The following KCNH8 variants were observed in gnomAD, a reference collection of about 807,000 sequenced individuals.
KCNH8 encodes the protein voltage-gated delayed rectifier potassium channel KCNH8.
KCNH8 carries 70 observed loss-of-function variants against 103.6 expected under a neutral mutation model. The ratio of observed to expected loss-of-function variants is 0.68; its 90% confidence interval spans 0.56 to 0.82. KCNH8 has a LOEUF of 0.82. Ranked by LOEUF, KCNH8 falls within the 40% of genes least tolerant of loss-of-function variation. The probability of loss-of-function intolerance (pLI) is 0.00; values close to 1 mark genes in which losing one functional copy is unlikely to be tolerated. For missense variants in KCNH8, 1,217 were observed against 1,329.9 expected, an observed-to-expected ratio of 0.92 and a Z score of 1.32; for synonymous variants, 498 against 489.4, an observed-to-expected ratio of 1.02 and a Z score of -0.23.
chr3:19,486,948 T>G (rs574947203), intron 11 of KCNH8, among the ~76,000 whole-genome samples: 3 of 152,188 alleles, frequency 2.0e-5, no homozygotes, highest in Non-Finnish European at 4.4e-5. Context: ...GCTTTCTTCT[T>G]GGACACTTTC....
intron 7 of KCNH8, among the ~76,000 whole-genome samples, chr3:19,416,285 GC>G (rs1044340223): frequency 1.3e-5 from 2 of 151,912 alleles, no homozygotes; most frequent in African/African-American, 4.8e-5. Context: ...ATTAGATCAA[GC>G]TTTTGAATTT....
At chr3:19,220,501 G>A (rs2063862782) in intron 1 of KCNH8, among the ~76,000 whole-genome samples, 1 of 152,200 alleles carries the variant, frequency 6.6e-6, no homozygotes, top group Non-Finnish European at 1.5e-5. Flanking sequence ...ATGTGCCCCA[G>A]GTGGTGAAAC....
chr3:19,400,720 C>A (rs1174981346), intron 7 of KCNH8, among the ~76,000 whole-genome samples: 1 of 151,840 alleles, frequency 6.6e-6, no homozygotes, highest in Non-Finnish European at 1.5e-5. Flanking sequence ...TCCTAAATCT[C>A]CTGATCCTCG....
intron 7 of KCNH8, among the ~76,000 whole-genome samples, chr3:19,431,611 G>A (rs1360848827): frequency 6.6e-6 from 1 of 152,086 alleles, no homozygotes; most frequent in Non-Finnish European, 1.5e-5. Context: ...GTGTGGTCAT[G>A]GGTTTGTTTG....
chr3:19,467,436 T>C (rs2067764599), intron 11 of KCNH8, among the ~76,000 whole-genome samples: 1 of 152,230 alleles, frequency 6.6e-6, no homozygotes, highest in African/African-American at 2.4e-5. Context: ...ACACTGTGTA[T>C]GCATTATCTG....
intron 11 of KCNH8, among the ~76,000 whole-genome samples, chr3:19,470,278 C>A (rs1170153092): frequency 6.6e-6 from 1 of 152,134 alleles, no homozygotes; most frequent in South Asian, 2.1e-4. Flanking sequence ...TGCACACATA[C>A]CACAAGTACC....
At chr3:19,448,919 TTCTC>T in intron 8 of KCNH8, 1 of 1,235,544 alleles carries the variant, frequency 8.1e-7, no homozygotes, top group Non-Finnish European at 1.1e-6. Flanking sequence ...ACCCTCATCT[TTCTC>T]TCAGTTTCAC....
chr3:19,376,633 A>G (rs986405212), intron 5 of KCNH8, among the ~76,000 whole-genome samples: 37 of 152,308 alleles, frequency 2.4e-4, no homozygotes, highest in African/African-American at 8.7e-4. Context: ...CCCTGTATAC[A>G]TATTTTAAAT....
intron 5 of KCNH8, among the ~76,000 whole-genome samples, chr3:19,364,138 TAGTC>T (rs2065980178): frequency 6.6e-6 from 1 of 152,046 alleles, no homozygotes; most frequent in African/African-American, 2.4e-5. Context: ...ACTACTAACA[TAGTC>T]AGATTCTCCC....
chr3:19,468,085 T>C (rs1331541444), intron 11 of KCNH8, among the ~76,000 whole-genome samples: 1 of 152,204 alleles, frequency 6.6e-6, no homozygotes, highest in Admixed American at 6.5e-5. Flanking sequence ...TATCCTCTGT[T>C]ATATCACCTT....
intron 5 of KCNH8, among the ~76,000 whole-genome samples, chr3:19,351,939 G>A (rs1291202103): frequency 2.6e-5 from 4 of 152,062 alleles, no homozygotes; most frequent in Non-Finnish European, 4.4e-5. Flanking sequence ...GACACAGACT[G>A]GCAAATTGGA....
intron 11 of KCNH8, among the ~76,000 whole-genome samples, chr3:19,496,994 C>T (rs904258377): frequency 6.6e-6 from 1 of 151,882 alleles, no homozygotes; most frequent in Non-Finnish European, 1.5e-5. Flanking sequence ...GTATATGTGT[C>T]CAGGAATTTA....
At chr3:19,332,114 GC>G (rs1186570942) in intron 3 of KCNH8, among the ~76,000 whole-genome samples, 1 of 150,844 alleles carries the variant, frequency 6.6e-6, no homozygotes, top group Non-Finnish European at 1.5e-5. Context: ...AAGATTTCAG[GC>G]CTACTTCCTT....
intron 1 of KCNH8, among the ~76,000 whole-genome samples, chr3:19,170,584 CTATATATATATATA>C (rs113772694): frequency 6.1e-5 from 7 of 114,038 alleles, no homozygotes; most frequent in Non-Finnish European, 3.7e-5. Context: ...CTTGGGGCAT[CTATATATATATATA>C]TATATATATA....
At chr3:19,503,945 A>T (rs1407298291) in intron 11 of KCNH8, among the ~76,000 whole-genome samples, 1 of 151,908 alleles carries the variant, frequency 6.6e-6, no homozygotes, top group South Asian at 2.1e-4. Flanking sequence ...AATAATAATA[A>T]AGAAAATTAC....
At position 19,512,052 on chromosome 3, in the gene KCNH8, A is replaced by C. The variant is rs535945035; in HGVS notation, c.2080-918A>C. ...AGTTCTTTGCCTTATTTTTATTATAAATTATTGATGATCAGATATAAGGGA... is the reference window on the plus strand; with the variant it reads ...AGTTCTTTGCCTTATTTTTATTATACATTATTGATGATCAGATATAAGGGA... On this transcript the variant is annotated intron_variant, in intron 12 of 15. Coordinates refer to ENST00000328405, the MANE Select transcript of KCNH8 (RefSeq NM_144633.3). Among the ~76,000 whole-genome samples the C allele has an allele frequency of 2.6e-5, 4 of 152,324 alleles. No individual in the cohort carries two copies. The South Asian group carries it at 8.3e-4, about 32-fold the overall frequency.
At chr3:19,251,156 C>T (rs753838833) in intron 1 of KCNH8, among the ~76,000 whole-genome samples, 4 of 152,164 alleles carry the variant, frequency 2.6e-5, no homozygotes, top group Non-Finnish European at 4.4e-5. Context: ...GGGTGCCCCC[C>T]TCTGGAGACT....
At chr3:19,206,740 T>C (rs771819979) in intron 1 of KCNH8, among the ~76,000 whole-genome samples, 2 of 151,826 alleles carry the variant, frequency 1.3e-5, no homozygotes, top group Non-Finnish European at 2.9e-5. Flanking sequence ...AGGAGCAAAA[T>C]TGCCCTAAGT....
In KCNH8 at chr3:19,456,865, T is replaced by C. The variant is rs1307165463; in HGVS notation, c.1923T>C (p.Cys641=). 1 of 1,612,328 alleles carries C rather than the reference T, an allele frequency of 6.2e-7. No homozygotes were observed. Among genetic ancestry groups the C allele is most frequent in the East Asian group, 2.2e-5 (1 of 44,828 alleles). Residue 641 remains cysteine (C), a synonymous_variant, in exon 11 of 16, where the codon TGT becomes TGC. Coordinates refer to ENST00000328405, the MANE Select transcript of KCNH8 (RefSeq NM_144633.3). ...VKALTYCDLQ[C]IILKGLFEVL... Reference sequence around the variant, plus strand: ...CTTTAACCTACTGTGATCTCCAGTGTATCATCCTCAAAGGACTCTTTGAAG... The same window carrying C: ...CTTTAACCTACTGTGATCTCCAGTGCATCATCCTCAAAGGACTCTTTGAAG...
Sources: gnomAD v4.1 joint callset for allele counts (sites outside exome capture counted in the v4.1 genomes callset) on GRCh38, gnomAD v4.1.1 for gene constraint, MANE v1.5 for transcripts, NCBI Gene and HGNC (gene_info 2026-07-23, HGNC 2026-07-21) for gene names.